The following SLC16A9 variants were observed in gnomAD, a reference collection of about 807,000 sequenced individuals.
SLC16A9 encodes the protein monocarboxylate transporter 9.
SLC16A9 carries 26 observed loss-of-function variants against 44.3 expected under a neutral mutation model. The ratio of observed to expected loss-of-function variants is 0.59; its 90% CI spans 0.43 to 0.81. SLC16A9 has a LOEUF of 0.81. Ranked by LOEUF, SLC16A9 falls within the 40% of genes least tolerant of loss-of-function variation. The pLI is 0.00. For missense variants in SLC16A9, 559 were observed against 595.8 expected (o/e 0.94, Z 0.64); for synonymous variants, 230 against 225.1 (o/e 1.02, Z -0.19).
chr10:59,697,134 A>G (rs1461832648), intron 1 of SLC16A9, among the ~76,000 whole-genome samples: 1 of 114,974 alleles, frequency 8.7e-6, no homozygotes, highest in Non-Finnish European at 1.9e-5. Flanking sequence ...CCGCCCAGCC[A>G]GCCACCCCGT....
intron 2 of SLC16A9, among the ~76,000 whole-genome samples, chr10:59,674,279 C>T (rs1839813039): frequency 6.6e-6 from 1 of 152,158 alleles, no homozygotes; most frequent in South Asian, 2.1e-4. Flanking sequence ...AACCCATGCA[C>T]TATGCTCTTA....
intron 3 of SLC16A9, among the ~76,000 whole-genome samples, chr10:59,665,928 G>T (rs1359865330): frequency 6.6e-6 from 1 of 152,070 alleles, no homozygotes; most frequent in Non-Finnish European, 1.5e-5. Flanking sequence ...AGGCCTTAGG[G>T]TTCAGATAAG....
intron 3 of SLC16A9, among the ~76,000 whole-genome samples, chr10:59,671,977 G>A (rs1238438574): frequency 6.6e-6 from 1 of 152,066 alleles, no homozygotes; most frequent in Non-Finnish European, 1.5e-5. Context: ...TTTATTATTG[G>A]AGAAATATTT....
intron 3 of SLC16A9, among the ~76,000 whole-genome samples, chr10:59,670,355 A>G (rs1438196311): frequency 6.6e-6 from 1 of 152,266 alleles, no homozygotes; most frequent in African/African-American, 2.4e-5. Context: ...ATAATGGTTT[A>G]TGCTAGCTAG....
At position 59,672,795 on chromosome 10, in the gene SLC16A9, C is replaced by T. The variant is rs2132452583; in HGVS notation, c.315G>A (p.Leu105=). 4 of 1,612,728 alleles carry T rather than the reference C, an allele frequency of 2.5e-6. No homozygotes were observed. Among genetic ancestry groups the T allele is most frequent in the Non-Finnish European group, 3.4e-6 (4 of 1,179,470 alleles). Residue 105 remains leucine, a synonymous_variant, in exon 3 of 6, where the codon CTG becomes CTA. Transcript: ENST00000395348. ...LSSFAPNIYF[L]FFSYGIVVGL... ...CTACAACAATGCCATAGGAAAAAAACAGAAAGTAGATATTGGGAGCAAAAC... is the reference window on the plus strand; with the variant it reads ...CTACAACAATGCCATAGGAAAAAAATAGAAAGTAGATATTGGGAGCAAAAC...
chr10:59,696,217 C>T (rs564639308), intron 1 of SLC16A9, among the ~76,000 whole-genome samples: 1 of 152,338 alleles, frequency 6.6e-6, no homozygotes, highest in African/African-American at 2.4e-5. Flanking sequence ...GATTCTCCTG[C>T]CTCAGCCTGC....
In SLC16A9 at chr10:59,651,179, G is replaced by T. The variant is rs918772606; in HGVS notation, c.*1593C>A. 1 of 152,074 alleles carries T rather than the reference G, an allele frequency of 6.6e-6. No homozygotes were observed. Among genetic ancestry groups the T allele is most frequent in the African/African-American group, 2.4e-5 (1 of 41,408 alleles). 9.4% of individuals were successfully genotyped at this position (152,074 alleles called of 1,614,324 possible). On this transcript the variant is annotated 3_prime_UTR_variant, in exon 6 of 6. Transcript: ENST00000395348. ...TATTCCAGGTTTACTACATAGAAAA[G>T]TACTATTTACCTACCTCACAGAGGT...
chr10:59,662,397 G>A (rs2132420686), intron 4 of SLC16A9, among the ~76,000 whole-genome samples: 1 of 151,884 alleles, frequency 6.6e-6, no homozygotes, highest in Non-Finnish European at 1.5e-5. Context: ...AACATTTTAG[G>A]AGGCTGAGGC....
rs973078712 is a variant in SLC16A9, at chr10:59,689,781, C to T, written c.-36-5454G>A. On this transcript the variant is annotated intron_variant, in intron 1 of 5. Coordinates refer to ENST00000395348, the MANE Select transcript of SLC16A9 (RefSeq NM_194298.3). ...GATTATTTTAACCATCCATACCCCACTTGGTTCCATTTGGGACAAAGGTAA... is the reference window on the plus strand; with the variant it reads ...GATTATTTTAACCATCCATACCCCATTTGGTTCCATTTGGGACAAAGGTAA... Among the ~76,000 whole-genome samples, 11 of 152,296 alleles carry T rather than the reference C, an allele frequency of 7.2e-5. No individual in the cohort carries two copies. The East Asian group carries it at 2.1e-3, about 29-fold the overall frequency.
At chr10:59,697,982 A>G (rs1363954179) in intron 1 of SLC16A9, among the ~76,000 whole-genome samples, 1 of 150,746 alleles carries the variant, frequency 6.6e-6, no homozygotes, top group Non-Finnish European at 1.5e-5. Context: ...AACAAAAAAC[A>G]AAACAAAACA....
intron 2 of SLC16A9, among the ~76,000 whole-genome samples, chr10:59,678,764 C>T (rs1839920934): frequency 6.7e-6 from 1 of 148,574 alleles, no homozygotes; most frequent in South Asian, 2.2e-4. Flanking sequence ...AGGATGGTCT[C>T]GATCTCCTGA....
chr10:59,670,350 G>T (rs1371482900), intron 3 of SLC16A9, among the ~76,000 whole-genome samples: 1 of 152,172 alleles, frequency 6.6e-6, no homozygotes, highest in Non-Finnish European at 1.5e-5. Flanking sequence ...AAATGATAAT[G>T]GTTTATGCTA....
At chr10:59,678,900 G>A (rs1052753925) in intron 2 of SLC16A9, among the ~76,000 whole-genome samples, 1 of 152,108 alleles carries the variant, frequency 6.6e-6, no homozygotes, top group African/African-American at 2.4e-5. Context: ...GAATCCTTGA[G>A]AGAAGCAGGA....
At chr10:59,682,384 C>G (rs1840043683) in intron 2 of SLC16A9, among the ~76,000 whole-genome samples, 1 of 152,168 alleles carries the variant, frequency 6.6e-6, no homozygotes. Flanking sequence ...AAGAGGGCTG[C>G]TCCTGGCTCT....
chr10:59,676,584 A>G (rs193146453), intron 2 of SLC16A9, among the ~76,000 whole-genome samples: 92 of 152,270 alleles, frequency 6.0e-4, no homozygotes, highest in Non-Finnish European at 1.1e-3. Flanking sequence ...GGGGGGAAAA[A>G]GGGGCAAGGG....
intron 3 of SLC16A9, among the ~76,000 whole-genome samples, chr10:59,669,882 T>G (rs755065723): frequency 3.7e-4 from 57 of 152,234 alleles, no homozygotes; most frequent in Non-Finnish European, 6.3e-4. Context: ...AGTTCCTCAT[T>G]GCAATTAATC....
chr10:59,659,219 CA>C (rs1839416769), intron 4 of SLC16A9, among the ~76,000 whole-genome samples: 1 of 152,064 alleles, frequency 6.6e-6, no homozygotes, highest in Non-Finnish European at 1.5e-5. Flanking sequence ...CAAGAGTAAA[CA>C]GCTTGTCATT....
chr10:59,674,256 G>C (rs905702912), intron 2 of SLC16A9, among the ~76,000 whole-genome samples: 1 of 152,108 alleles, frequency 6.6e-6, no homozygotes. Flanking sequence ...AAATGACAGA[G>C]GTAGGTTCCA....
At chr10:59,697,700 C>T (rs1840427349) in intron 1 of SLC16A9, among the ~76,000 whole-genome samples, 2 of 148,528 alleles carry the variant, frequency 1.3e-5, no homozygotes, top group Non-Finnish European at 3.0e-5. Flanking sequence ...CCAAATCCCC[C>T]TCTGCGAGAA....
Sources: allele counts gnomAD v4.1 joint callset (sites outside exome capture counted in the v4.1 genomes callset), GRCh38; gene constraint gnomAD v4.1.1; transcripts MANE v1.5; gene names NCBI Gene and HGNC (gene_info 2026-07-23, HGNC 2026-07-21).